The following TBC1D32 variants were observed in gnomAD, a reference collection of about 807,000 sequenced individuals.
TBC1D32 encodes TBC1 domain family member 32.
In TBC1D32, 151 loss-of-function variants were observed where a neutral mutation model predicts 170.3. The ratio of observed to expected loss-of-function variants is 0.89; its 90% confidence interval spans 0.78 to 1.01. The LOEUF is 1.01. Among genes scored for constraint, TBC1D32 ranks in the 50% least tolerant of loss-of-function variants. The probability of loss-of-function intolerance (pLI) is 0.00; values close to 1 mark genes in which losing one functional copy is unlikely to be tolerated. For missense variants in TBC1D32, 1,464 were observed against 1,457.1 expected, an observed-to-expected ratio of 1.00 and a Z score of -0.08; for synonymous variants, 498 against 488.0, an observed-to-expected ratio of 1.02 and a Z score of -0.27.
At chr6:121,084,739 A>C (rs1776009860) in intron 31 of TBC1D32, among the ~76,000 whole-genome samples, 1 of 152,110 alleles carries the variant, frequency 6.6e-6, no homozygotes, top group South Asian at 2.1e-4. Context: ...GTGAGCTTAA[A>C]ATCTGAATTG....
chr6:121,216,339 T>G (rs1793819240), intron 21 of TBC1D32, among the ~76,000 whole-genome samples: 3 of 152,182 alleles, frequency 2.0e-5, no homozygotes, highest in African/African-American at 2.4e-5. Flanking sequence ...AGGCAGCCTA[T>G]TGTGCCTTCT....
At chr6:121,102,398 C>T (rs1420226191) in intron 30 of TBC1D32, among the ~76,000 whole-genome samples, 1 of 152,038 alleles carries the variant, frequency 6.6e-6, no homozygotes, top group African/African-American at 2.4e-5. Context: ...GAGACACAGA[C>T]CAATGGAACA....
intron 3 of TBC1D32, among the ~76,000 whole-genome samples, chr6:121,312,846 T>G (rs1396723373): frequency 6.6e-6 from 1 of 152,164 alleles, no homozygotes; most frequent in Non-Finnish European, 1.5e-5. Flanking sequence ...ATAGACAATA[T>G]AAGAAAAGCT....
intron 29 of TBC1D32, among the ~76,000 whole-genome samples, chr6:121,111,744 AAT>A (rs1459924991): frequency 6.6e-6 from 1 of 152,122 alleles, no homozygotes; most frequent in Non-Finnish European, 1.5e-5. Context: ...CCTTATCACA[AAT>A]ATATATTGTA....
chr6:121,291,831 A>C (rs1209581605), intron 12 of TBC1D32, among the ~76,000 whole-genome samples: 1 of 151,828 alleles, frequency 6.6e-6, no homozygotes, highest in African/African-American at 2.4e-5. Context: ...GGATCCCTAA[A>C]GGCTGAAGGA....
chr6:121,217,428 T>C (rs1342661540), intron 21 of TBC1D32, among the ~76,000 whole-genome samples: 3 of 152,100 alleles, frequency 2.0e-5, no homozygotes, highest in South Asian at 2.1e-4. Context: ...CAATGACAAA[T>C]TGAATAAAGA....
At chr6:121,281,761 C>G (rs17083358) in intron 13 of TBC1D32, 75 bp from the exon 14 acceptor site, 22,248 of 1,227,332 alleles carry the variant, frequency 0.018, 784 homozygotes, top group East Asian at 0.14. Context: ...TGTTGTTGTT[C>G]CAAAAAGTTC....
chr6:121,310,522 T>C (rs1808034552), intron 4 of TBC1D32, among the ~76,000 whole-genome samples: 1 of 152,234 alleles, frequency 6.6e-6, no homozygotes, highest in Non-Finnish European at 1.5e-5. Context: ...CAACTGCCTA[T>C]AACTTTATCC....
chr6:121,258,371 T>G (rs1481927302), intron 15 of TBC1D32, among the ~76,000 whole-genome samples: 1 of 152,140 alleles, frequency 6.6e-6, no homozygotes, highest in Non-Finnish European at 1.5e-5. Flanking sequence ...CTAACTCGAT[T>G]GATATTTAAA....
intron 17 of TBC1D32, among the ~76,000 whole-genome samples, chr6:121,254,058 A>T (rs1029285391): frequency 1.2e-4 from 16 of 137,050 alleles, no homozygotes; most frequent in African/African-American, 3.5e-4. Context: ...ACTCAGTCAT[A>T]AAAAAAAAAG....
Position 121,321,701 on chromosome 6 carries a change from A to T in TBC1D32, c.249T>A (p.Asn83Lys), listed in dbSNP as rs1180405213. 2 of 1,614,120 alleles carry T rather than the reference A, an allele frequency of 1.2e-6. No homozygotes were observed. Among genetic ancestry groups the T allele is most frequent in the Non-Finnish European group, 1.7e-6 (2 of 1,179,998 alleles). ...TATCATAGCCGCATTCTTCACCCTGATTCCGATCAGATGTGCATTTTTCCA... is the reference window on the plus strand; with the variant it reads ...TATCATAGCCGCATTCTTCACCCTGTTTCCGATCAGATGTGCATTTTTCCA... The part of the protein sequence containing the change: ...EEMEKCTSDR[N>K]QGEECGYDTV... Residue 83 changes from asparagine to lysine, a missense_variant, in exon 2 of 32, where the codon AAT (asparagine) becomes AAA (lysine). By Grantham distance (94) the Asn-to-Lys change is moderately conservative. Transcript: ENST00000398212.
chr6:121,150,416 T>C (rs922014272), intron 24 of TBC1D32, among the ~76,000 whole-genome samples: 1 of 152,236 alleles, frequency 6.6e-6, no homozygotes, highest in Non-Finnish European at 1.5e-5. Context: ...CAGTATTTTA[T>C]TGAGGATTTT....
At chr6:121,126,532 C>T in intron 25 of TBC1D32, 71 bp from the exon 26 acceptor site, 1 of 1,132,038 alleles carries the variant, frequency 8.8e-7, no homozygotes, top group Non-Finnish European at 1.3e-6. Flanking sequence ...CCTTAAATCA[C>T]AGAACTAGTA....
At chr6:121,181,154 G>A (rs927320077) in intron 22 of TBC1D32, among the ~76,000 whole-genome samples, 1 of 152,056 alleles carries the variant, frequency 6.6e-6, no homozygotes, top group Non-Finnish European at 1.5e-5. Context: ...ATGTAAAGTA[G>A]AACAGCCATT....
intron 10 of TBC1D32, among the ~76,000 whole-genome samples, chr6:121,295,603 G>GA (rs1303261585): frequency 8.6e-5 from 13 of 151,808 alleles, no homozygotes; most frequent in Admixed American, 8.5e-4. Context: ...CAACAGAGGG[G>GA]AAGAGTTTGA....
At chr6:121,097,810 T>C (rs1777592606) in intron 30 of TBC1D32, among the ~76,000 whole-genome samples, 1 of 152,044 alleles carries the variant, frequency 6.6e-6, no homozygotes, top group Admixed American at 6.6e-5. Context: ...CCATCAATGA[T>C]AATAGACTGG....
intron 17 of TBC1D32, among the ~76,000 whole-genome samples, chr6:121,251,814 A>G (rs912456913): frequency 1.3e-5 from 2 of 152,212 alleles, no homozygotes; most frequent in African/African-American, 2.4e-5. Context: ...CATCTGACAA[A>G]GGTCTAATAT....
intron 24 of TBC1D32, among the ~76,000 whole-genome samples, chr6:121,147,479 T>C (rs1783613598): frequency 6.6e-6 from 1 of 152,178 alleles, no homozygotes; most frequent in Non-Finnish European, 1.5e-5. Context: ...TGCCAACATC[T>C]GTTATTTTTT....
intron 22 of TBC1D32, among the ~76,000 whole-genome samples, chr6:121,162,804 T>A (rs1562731949): frequency 9.0e-6 from 1 of 110,678 alleles, no homozygotes; most frequent in Non-Finnish European, 2.0e-5. Flanking sequence ...CATTTCCATC[T>A]GAGGTACCGG....
Sources: allele counts gnomAD v4.1 joint callset (sites outside exome capture counted in the v4.1 genomes callset), GRCh38; gene constraint gnomAD v4.1.1; transcripts MANE v1.5; gene names NCBI Gene and HGNC (gene_info 2026-07-23, HGNC 2026-07-21).